LDLRAD3: variants seen among roughly 807,000 people sequenced by gnomAD.
LDLRAD3 encodes low density lipoprotein receptor class A domain containing 3.
In LDLRAD3, 20 loss-of-function variants were observed where a neutral mutation model predicts 29.4. That is an observed-to-expected ratio of 0.68 (90% CI 0.48 to 0.99). The LOEUF (loss-of-function observed/expected upper bound fraction) is 0.99, where lower values mean the gene tolerates loss of function less well. Among genes scored for constraint, LDLRAD3 ranks in the 50% least tolerant of loss-of-function variants. The probability of loss-of-function intolerance (pLI) is 0.00; values close to 1 mark genes in which losing one functional copy is unlikely to be tolerated. For missense variants in LDLRAD3, 420 were observed against 454.3 expected, an observed-to-expected ratio of 0.92 and a Z score of 0.69; for synonymous variants, 157 against 192.7, an observed-to-expected ratio of 0.81 and a Z score of 1.53.
chr11:35,981,263 C>T (rs535555578), intron 1 of LDLRAD3, among the ~76,000 whole-genome samples: 60 of 152,166 alleles, frequency 3.9e-4, no homozygotes, highest in African/African-American at 1.4e-3. Flanking sequence ...GTGGTGACAA[C>T]CAGAACTCTG....
At chr11:36,003,032 A>T (rs571932839) in intron 1 of LDLRAD3, among the ~76,000 whole-genome samples, 1 of 152,216 alleles carries the variant, frequency 6.6e-6, no homozygotes, top group African/African-American at 2.4e-5. Context: ...AAGACAAAGA[A>T]TGTGCAATTT....
At chr11:36,068,268 T>G (rs963973810) in intron 2 of LDLRAD3, among the ~76,000 whole-genome samples, 5 of 152,216 alleles carry the variant, frequency 3.3e-5, no homozygotes, top group Non-Finnish European at 7.3e-5. Context: ...TAGCCGTCTA[T>G]GTGTAAAGCA....
chr11:36,120,336 G>A (rs1231548706), intron 4 of LDLRAD3, among the ~76,000 whole-genome samples: 1 of 152,098 alleles, frequency 6.6e-6, no homozygotes, highest in Non-Finnish European at 1.5e-5. Context: ...GAGAACCAGT[G>A]CCAATCTCCT....
At chr11:36,180,174 A>G (rs1017198188) in intron 4 of LDLRAD3, among the ~76,000 whole-genome samples, 8 of 151,896 alleles carry the variant, frequency 5.3e-5, no homozygotes, top group Admixed American at 5.2e-4. Flanking sequence ...CATCCTCAGC[A>G]TTAGTTGAAG....
chr11:36,147,166 G>A (rs1854208900), intron 4 of LDLRAD3, among the ~76,000 whole-genome samples: 2 of 128,810 alleles, frequency 1.6e-5, no homozygotes, highest in South Asian at 5.3e-4. Flanking sequence ...CATCCAGGCT[G>A]GAGTGCAGTG....
At chr11:36,134,246 A>G (rs1853972445) in intron 4 of LDLRAD3, among the ~76,000 whole-genome samples, 1 of 152,226 alleles carries the variant, frequency 6.6e-6, no homozygotes, top group African/African-American at 2.4e-5. Flanking sequence ...AATGCATTGT[A>G]CACTCCTAAT....
chr11:36,229,476 C>G lies in LDLRAD3; in HGVS notation c.*79C>G. 9.7e-7 allele frequency: 1 copy of G among 1,031,182 alleles called. No homozygotes were observed. Among genetic ancestry groups the G allele is most frequent in the East Asian group, 2.4e-5 (1 of 41,738 alleles). The allele number at this position is 1,031,182 out of a possible 1,614,324, so 63.9% of individuals were successfully genotyped here. A position where few individuals can be genotyped will look rare whatever the true frequency, so the allele number is the denominator to read the frequency against. Reference sequence around the variant, plus strand: ...TCTAACAATTTGTGCTCATGGGAAGCTCTTTAAGCACCTGTAAGGGTGTCT... The same window carrying G: ...TCTAACAATTTGTGCTCATGGGAAGGTCTTTAAGCACCTGTAAGGGTGTCT... On this transcript the variant is annotated 3_prime_UTR_variant, in exon 6 of 6. Transcript: ENST00000315571.
At chr11:36,013,417 T>C (rs940150824) in intron 1 of LDLRAD3, among the ~76,000 whole-genome samples, 3 of 152,190 alleles carry the variant, frequency 2.0e-5, no homozygotes, top group African/African-American at 7.2e-5. Context: ...TTTTAAGCCC[T>C]GCATACATTA....
chr11:36,208,627 T>C (rs1462139653), intron 4 of LDLRAD3, among the ~76,000 whole-genome samples: 2 of 152,224 alleles, frequency 1.3e-5, no homozygotes, highest in Admixed American at 6.5e-5. Context: ...TCAAATAATA[T>C]TGGGTTTTAT....
rs550162568 is a variant in LDLRAD3 at position 36,059,715 on chromosome 11, C to T, written c.194-21938C>T. Among the ~76,000 whole-genome samples the T allele has an allele frequency of 2.3e-4, 35 of 152,300 alleles. No homozygotes were observed. In the South Asian group the frequency reaches 2.5e-3, roughly 11 times the overall value. The stretch of plus-strand genomic sequence containing the variant: ...TTCCTCAACACCCAAACTACTTGTA[C>T]GGTTGCCGACTATCACATCTCCGTA... On this transcript the variant is annotated intron_variant, in intron 2 of 5. Transcript: ENST00000315571.
At chr11:36,061,314 T>A (rs556205700) in intron 2 of LDLRAD3, among the ~76,000 whole-genome samples, 1 of 152,160 alleles carries the variant, frequency 6.6e-6, no homozygotes, top group East Asian at 1.9e-4. Flanking sequence ...AATTTTTGTA[T>A]TTTTTTAGTA....
chr11:35,955,145 C>G (rs757956105), intron 1 of LDLRAD3, among the ~76,000 whole-genome samples: 1 of 151,958 alleles, frequency 6.6e-6, no homozygotes, highest in Admixed American at 6.6e-5. Context: ...CTCGGGAGGC[C>G]GAGGCACGAG....
Position 36,229,691 on chromosome 11 carries a change from A to G in LDLRAD3, c.*294A>G. 1 of 413,838 alleles carries G rather than the reference A, an allele frequency of 2.4e-6. No individual in the cohort carries two copies. Among genetic ancestry groups the G allele is most frequent in the Middle Eastern group, 6.6e-4 (1 of 1,512 alleles). The allele number at this position is 413,838 out of a possible 1,614,324, so 25.6% of individuals were successfully genotyped here. On this transcript the variant is annotated 3_prime_UTR_variant, in exon 6 of 6. Coordinates refer to ENST00000315571, the MANE Select transcript of LDLRAD3 (RefSeq NM_174902.4). Reference sequence around the variant, plus strand: ...TGTTTCTGTTGGAGAGACAGCATATAAAACAGTATTGAAATAGGCTGGGAG... The same window carrying G: ...TGTTTCTGTTGGAGAGACAGCATATGAAACAGTATTGAAATAGGCTGGGAG...
intron 4 of LDLRAD3, among the ~76,000 whole-genome samples, chr11:36,167,484 G>C (rs1219374043): frequency 1.5e-5 from 1 of 66,918 alleles, no homozygotes; most frequent in African/African-American, 3.3e-5. Context: ...TAAGAAGAAG[G>C]AATTTTGGAC....
At chr11:36,188,931 C>T (rs1854896685) in intron 4 of LDLRAD3, among the ~76,000 whole-genome samples, 1 of 151,630 alleles carries the variant, frequency 6.6e-6, no homozygotes, top group African/African-American at 2.4e-5. Flanking sequence ...AATGAAGTGG[C>T]GCAACTGAAT....
intron 2 of LDLRAD3, among the ~76,000 whole-genome samples, chr11:36,036,474 C>T (rs1212583823): frequency 1.3e-5 from 2 of 152,106 alleles, no homozygotes; most frequent in Non-Finnish European, 2.9e-5. Flanking sequence ...TTTGAGAGAG[C>T]AGAAGGTTTT....
Position 36,135,540 on chromosome 11 carries a change from A to C in LDLRAD3, c.454+37079A>C, listed in dbSNP as rs1252981140. On this transcript the variant is annotated intron_variant, in intron 4 of 5. Transcript: ENST00000315571. ...CTCCCAAAACAGTGATTTAAAAAGC[A>C]TGAAAAACCCCAGGTAAAATGAAGT... Among the ~76,000 whole-genome samples the C allele has an allele frequency of 2.0e-5, 3 of 152,224 alleles. No individual in the cohort carries two copies. The East Asian group carries it at 5.8e-4, about 29-fold the overall frequency.
chr11:36,019,150 GT>G (rs1406888938), intron 1 of LDLRAD3, among the ~76,000 whole-genome samples: 1 of 152,106 alleles, frequency 6.6e-6, no homozygotes, highest in African/African-American at 2.4e-5. Flanking sequence ...ATTATCATTT[GT>G]GCAGCACGGG....
intron 1 of LDLRAD3, among the ~76,000 whole-genome samples, chr11:35,980,920 T>G (rs905093019): frequency 6.6e-6 from 1 of 152,110 alleles, no homozygotes; most frequent in Non-Finnish European, 1.5e-5. Flanking sequence ...GTGGGAACCT[T>G]GGAAATCCCC....
Sources: allele counts gnomAD v4.1 joint callset (sites outside exome capture counted in the v4.1 genomes callset), GRCh38; gene constraint gnomAD v4.1.1; transcripts MANE v1.5; gene names NCBI Gene and HGNC (gene_info 2026-07-23, HGNC 2026-07-21).